CNTN5: variants seen among roughly 807,000 people sequenced by gnomAD.
The protein encoded by CNTN5 is contactin-5.
A neutral mutation model predicts 129.1 loss-of-function variants in CNTN5; 77 were observed. That is an observed-to-expected ratio of 0.60 (90% CI 0.50 to 0.72). The LOEUF is 0.72. Ranked by LOEUF, CNTN5 falls within the 30% of genes least tolerant of loss-of-function variation. CNTN5 has a pLI of 0.00. For synonymous variants in CNTN5, 509 were observed against 465.6 expected (o/e 1.09, Z -1.20); for missense variants, 1,478 against 1,328.8 (o/e 1.11, Z -1.75).
intron 1 of CNTN5, among the ~76,000 whole-genome samples, chr11:99,050,479 T>C (rs1864382630): frequency 6.6e-6 from 1 of 151,770 alleles, no homozygotes; most frequent in African/African-American, 2.4e-5. Flanking sequence ...AATATCAAAG[T>C]AAATATTTCA....
intron 1 of CNTN5, among the ~76,000 whole-genome samples, chr11:99,055,930 G>T (rs777144623): frequency 1.3e-5 from 2 of 151,754 alleles, no homozygotes; most frequent in African/African-American, 4.8e-5. Flanking sequence ...TGTCTCCTTC[G>T]GTTTCAATTT....
chr11:99,163,361 A>T (rs1016557446), intron 1 of CNTN5, among the ~76,000 whole-genome samples: 4 of 152,084 alleles, frequency 2.6e-5, no homozygotes, highest in Non-Finnish European at 5.9e-5. Context: ...GTTGAATTAG[A>T]TACTAGTAAA....
intron 8 of CNTN5, among the ~76,000 whole-genome samples, chr11:99,962,428 A>C (rs542741581): frequency 6.6e-6 from 1 of 151,508 alleles, no homozygotes; most frequent in Non-Finnish European, 1.5e-5. Flanking sequence ...TGTCCTTGCG[A>C]TAGTTTGCTG....
At chr11:99,164,343 G>C (rs1291158193) in intron 1 of CNTN5, among the ~76,000 whole-genome samples, 2 of 131,836 alleles carry the variant, frequency 1.5e-5, no homozygotes, top group Non-Finnish European at 3.3e-5. Flanking sequence ...AAAAAAAAAA[G>C]AGTTGCAATT....
intron 1 of CNTN5, among the ~76,000 whole-genome samples, chr11:99,061,844 T>C (rs1157855271): frequency 1.3e-5 from 2 of 151,508 alleles, no homozygotes; most frequent in Admixed American, 6.6e-5. Flanking sequence ...CAAAGAAAAA[T>C]AGGCGGGCAT....
At chr11:99,863,900 TAAGTC>T (rs1444671878) in intron 6 of CNTN5, among the ~76,000 whole-genome samples, 1 of 152,142 alleles carries the variant, frequency 6.6e-6, no homozygotes, top group Non-Finnish European at 1.5e-5. Flanking sequence ...TTTACAGTAA[TAAGTC>T]AAGGGGGTAT....
chr11:99,272,892 T>G, intron 1 of CNTN5, among the ~76,000 whole-genome samples: 1 of 151,966 alleles, frequency 6.6e-6, no homozygotes. Context: ...TTTAAAAAAC[T>G]TATAACATTT....
At chr11:100,153,534 TAAAAAG>T (rs945318043) in intron 13 of CNTN5, among the ~76,000 whole-genome samples, 29 of 152,070 alleles carry the variant, frequency 1.9e-4, no homozygotes, top group Admixed American at 1.4e-3. Flanking sequence ...GTATTCTTGT[TAAAAAG>T]AAAAAGATTT....
rs565785724 is a variant in CNTN5, at chr11:99,324,892, C to T, written c.-209-454C>T. On this transcript the variant is annotated intron_variant, in intron 1 of 24. Transcript: ENST00000524871. ...TCCTGACCTCGTGATCCGCCTGCCTCGGCCTCCCAAAGTGCCTGGATTACA... is the reference window on the plus strand; with the variant it reads ...TCCTGACCTCGTGATCCGCCTGCCTTGGCCTCCCAAAGTGCCTGGATTACA... Among the ~76,000 whole-genome samples the T allele has an allele frequency of 1.2e-4, 18 of 152,242 alleles. No individual in the cohort carries two copies. The South Asian group carries it at 2.1e-3, about 18-fold the overall frequency.
intron 3 of CNTN5, among the ~76,000 whole-genome samples, chr11:99,646,888 C>CT (rs1220482085): frequency 2.7e-5 from 4 of 149,238 alleles, no homozygotes; most frequent in Admixed American, 6.7e-5. Flanking sequence ...AGATGATTGG[C>CT]TTTTTTGCTA....
At chr11:99,503,308 G>T (rs1425630944) in intron 2 of CNTN5, among the ~76,000 whole-genome samples, 1 of 152,064 alleles carries the variant, frequency 6.6e-6, no homozygotes. Flanking sequence ...GTCAAAACCG[G>T]GTGATCCATC....
At chr11:100,215,939 CCCT>C (rs1373345293) in intron 15 of CNTN5, among the ~76,000 whole-genome samples, 5 of 152,106 alleles carry the variant, frequency 3.3e-5, no homozygotes, top group African/African-American at 1.2e-4. Context: ...GCATCAGCCT[CCCT>C]CCTCTATGAG....
intron 1 of CNTN5, among the ~76,000 whole-genome samples, chr11:99,278,796 G>T (rs1302650247): frequency 6.6e-6 from 1 of 151,664 alleles, no homozygotes; most frequent in African/African-American, 2.4e-5. Flanking sequence ...ATTTTATGTA[G>T]TAATCTGTAT....
intron 18 of CNTN5, among the ~76,000 whole-genome samples, chr11:100,281,109 T>A (rs1479834297): frequency 6.6e-6 from 1 of 152,182 alleles, no homozygotes; most frequent in Admixed American, 6.5e-5. Context: ...CTGCTTAGGA[T>A]AAGAGTAGTT....
At chr11:99,351,465 T>C (rs1938293720) in intron 2 of CNTN5, among the ~76,000 whole-genome samples, 1 of 152,240 alleles carries the variant, frequency 6.6e-6, no homozygotes, top group Non-Finnish European at 1.5e-5. Context: ...TACAAATTCC[T>C]CCTTCTATGC....
chr11:99,931,855 T>C lies in CNTN5; in HGVS notation c.673+15706T>C, dbSNP rs575398241. ...AAAAATGTGGATGTGTCAGAATGTC[T>C]GGAAAGTTACGATATCCTTCTAATT... On this transcript the variant is annotated intron_variant, in intron 7 of 24. Transcript: ENST00000524871. Among the ~76,000 whole-genome samples the C allele has an allele frequency of 4.6e-5, 7 of 152,352 alleles. No homozygotes were observed. In the East Asian group the frequency reaches 1.4e-3, roughly 29 times the overall value.
chr11:99,832,031 T>G (rs1197375588), intron 4 of CNTN5, among the ~76,000 whole-genome samples: 1 of 152,190 alleles, frequency 6.6e-6, no homozygotes, highest in Non-Finnish European at 1.5e-5. Flanking sequence ...CAAAACTTCT[T>G]GAACCACCAC....
intron 1 of CNTN5, among the ~76,000 whole-genome samples, chr11:99,025,899 G>A (rs987288549): frequency 4.6e-5 from 7 of 151,404 alleles, no homozygotes; most frequent in Non-Finnish European, 1.0e-4. Context: ...AAATATAAAG[G>A]CAATACTCAA....
chr11:100,033,515 A>T (rs534984601), intron 9 of CNTN5, among the ~76,000 whole-genome samples: 13 of 152,002 alleles, frequency 8.6e-5, no homozygotes, highest in Admixed American at 2.6e-4. Context: ...CTCCCTTTTC[A>T]CTAGGACCCC....
Sources: allele counts gnomAD v4.1 joint callset (sites outside exome capture counted in the v4.1 genomes callset), GRCh38; gene constraint gnomAD v4.1.1; transcripts MANE v1.5; gene names NCBI Gene and HGNC (gene_info 2026-07-23, HGNC 2026-07-21).